RALGAPA2: variants seen among roughly 807,000 people sequenced by gnomAD.
The protein encoded by RALGAPA2 is Ral GTPase activating protein catalytic subunit alpha 2.
A neutral mutation model predicts 230.4 loss-of-function variants in RALGAPA2; 139 were observed. The observed-to-expected ratio is 0.60, with a 90% CI of 0.53 to 0.69. The LOEUF (loss-of-function observed/expected upper bound fraction) is 0.69. RALGAPA2 is among the 30% of genes least tolerant of loss of function. The probability of loss-of-function intolerance (pLI) is 0.00; values close to 1 mark genes in which losing one functional copy is unlikely to be tolerated. For synonymous variants in RALGAPA2, 847 were observed against 837.8 expected (o/e 1.01, Z -0.19); for missense variants, 2,163 against 2,276.0 (o/e 0.95, Z 1.01).
At chr20:20,659,625 T>A in intron 3 of RALGAPA2, 2 of 275,930 alleles carry the variant, frequency 7.2e-6, no homozygotes, top group Non-Finnish European at 1.4e-5. Context: ...TAAAAAAGAG[T>A]ATATTCCTAA....
intron 3 of RALGAPA2, among the ~76,000 whole-genome samples, chr20:20,664,439 T>C (rs1466617823): frequency 6.6e-6 from 1 of 152,104 alleles, no homozygotes; most frequent in South Asian, 2.1e-4. Context: ...CCTTCACAAA[T>C]CCCCAAATTA....
rs762975542 is a variant in RALGAPA2 at position 20,601,737 on chromosome 20, C to T, written c.2148G>A (p.Thr716=). The T allele has an allele frequency of 8.7e-6, 14 of 1,613,752 alleles. No individual in the cohort carries two copies. The highest frequency in any genetic ancestry group is 7.7e-5 in the South Asian group (7 of 91,060). The change falls in exon 16 of 40, where the codon ACG becomes ACA. Residue 716 remains threonine (T), a synonymous_variant. Transcript: ENST00000202677. ...TEPMRFRSAT[T]SGAPGVEKAR... ...CCTTTTCCACTCCCGGTGCTCCAGA[C>T]GTGGTGGCACTCCTAAATCGCATCG...
intron 36 of RALGAPA2, among the ~76,000 whole-genome samples, chr20:20,474,670 C>T (rs2061612071): frequency 6.6e-6 from 1 of 152,206 alleles, no homozygotes; most frequent in African/African-American, 2.4e-5. Flanking sequence ...GATGATGCCA[C>T]AGTTTCTGGC....
In RALGAPA2 at chr20:20,512,599, C is replaced by T; in HGVS notation, c.4770G>A (p.Gly1590=). 1 of 1,613,886 alleles carries T rather than the reference C, an allele frequency of 6.2e-7. No individual in the cohort carries two copies. Among genetic ancestry groups the T allele is most frequent in the South Asian group, 1.1e-5 (1 of 91,078 alleles). ...CTCGGGGCTCCACTGGGGAGGGCTGCCCTTGGCTGGTGACTTTCATTGCAG... is the reference window on the plus strand; with the variant it reads ...CTCGGGGCTCCACTGGGGAGGGCTGTCCTTGGCTGGTGACTTTCATTGCAG... ...FDSAMKVTSQ[G]QPSPVEPRGP... is the part of the protein sequence containing the mutation. The change falls in exon 32 of 40, where the codon GGG becomes GGA. Residue 1590 remains glycine, a synonymous_variant. Coordinates refer to ENST00000202677, the MANE Select transcript of RALGAPA2 (RefSeq NM_020343.4).
At chr20:20,414,193 T>C (rs2060120507) in intron 37 of RALGAPA2, among the ~76,000 whole-genome samples, 1 of 152,220 alleles carries the variant, frequency 6.6e-6, no homozygotes, top group Non-Finnish European at 1.5e-5. Flanking sequence ...ACCTGAGCCT[T>C]TGGACCGCCG....
chr20:20,508,061 G>A (rs1009670264), intron 33 of RALGAPA2, among the ~76,000 whole-genome samples: 3 of 152,006 alleles, frequency 2.0e-5, no homozygotes, highest in Non-Finnish European at 4.4e-5. Context: ...CTGTTCCTAA[G>A]TCCTTGAGCC....
chr20:20,675,931 C>A (rs1156860756), intron 3 of RALGAPA2, among the ~76,000 whole-genome samples: 1 of 151,696 alleles, frequency 6.6e-6, no homozygotes, highest in South Asian at 2.1e-4. Context: ...GAATATATGA[C>A]CTTTTGGAGA....
At chr20:20,518,109 G>A (rs1251617688) in intron 31 of RALGAPA2, among the ~76,000 whole-genome samples, 1 of 151,760 alleles carries the variant, frequency 6.6e-6, no homozygotes, top group East Asian at 1.9e-4. Flanking sequence ...AGGCTGGAGT[G>A]CAGTGGTGCG....
intron 38 of RALGAPA2, among the ~76,000 whole-genome samples, chr20:20,410,259 A>C (rs2060033035): frequency 6.6e-6 from 1 of 152,252 alleles, no homozygotes; most frequent in South Asian, 2.1e-4. Context: ...TTTGGAAAAG[A>C]TCAAATTAGT....
intron 36 of RALGAPA2, among the ~76,000 whole-genome samples, chr20:20,479,514 T>C (rs1302167122): frequency 6.6e-6 from 1 of 152,214 alleles, no homozygotes; most frequent in Non-Finnish European, 1.5e-5. Flanking sequence ...ATTAATAGAT[T>C]GAATGAGAAA....
chr20:20,528,685 GCCAA>G (rs2063290529), intron 27 of RALGAPA2, among the ~76,000 whole-genome samples: 1 of 152,154 alleles, frequency 6.6e-6, no homozygotes, highest in South Asian at 2.1e-4. Flanking sequence ...AAACAAACCA[GCCAA>G]CCAACACCTT....
At chr20:20,465,279 C>T (rs1225258077) in intron 37 of RALGAPA2, among the ~76,000 whole-genome samples, 1 of 151,804 alleles carries the variant, frequency 6.6e-6, no homozygotes, top group African/African-American at 2.4e-5. Flanking sequence ...AGTGCCACAT[C>T]TGAGACAGAG....
chr20:20,582,962 C>T, intron 20 of RALGAPA2, 88 bp downstream of exon 20: 2 of 1,403,114 alleles, frequency 1.4e-6, no homozygotes, highest in Non-Finnish European at 1.9e-6. Context: ...ACAACTGTTT[C>T]AGAACCCTCT....
At chr20:20,511,072 A>G (rs1306834114) in intron 33 of RALGAPA2, among the ~76,000 whole-genome samples, 182 bp downstream of exon 33, 2 of 152,204 alleles carry the variant, frequency 1.3e-5, no homozygotes, top group Non-Finnish European at 2.9e-5. Context: ...ATCAAACATG[A>G]AAGTTTATTC....
At chr20:20,558,563 C>T (rs978628019) in intron 23 of RALGAPA2, among the ~76,000 whole-genome samples, 3 of 152,048 alleles carry the variant, frequency 2.0e-5, no homozygotes, top group African/African-American at 7.2e-5. Context: ...GACAGGTCTT[C>T]CACCAAAGCC....
intron 31 of RALGAPA2, among the ~76,000 whole-genome samples, chr20:20,519,609 C>T (rs2062977562): frequency 6.6e-6 from 1 of 152,246 alleles, no homozygotes; most frequent in African/African-American, 2.4e-5. Context: ...CTGTTTCATT[C>T]TCACCTTCCC....
At chr20:20,666,110 AG>A (rs1385206851) in intron 3 of RALGAPA2, among the ~76,000 whole-genome samples, 2 of 152,258 alleles carry the variant, frequency 1.3e-5, no homozygotes, top group Non-Finnish European at 2.9e-5. Flanking sequence ...ATTTAAATAT[AG>A]CCCCATGTCA....
intron 24 of RALGAPA2, among the ~76,000 whole-genome samples, chr20:20,546,081 C>T (rs1458707669): frequency 2.0e-5 from 3 of 151,918 alleles, no homozygotes; most frequent in Non-Finnish European, 4.4e-5. Context: ...TCTTGAAAAA[C>T]AACAACAAAA....
intron 6 of RALGAPA2, 45 bp from the exon 7 acceptor site, chr20:20,639,945 T>C: frequency 7.0e-7 from 1 of 1,418,688 alleles, no homozygotes; most frequent in Non-Finnish European, 1.0e-6. Context: ...CAAAGTTAAA[T>C]TTTAAACAGA....
Sources: gnomAD v4.1 joint callset for allele counts (sites outside exome capture counted in the v4.1 genomes callset) on GRCh38, gnomAD v4.1.1 for gene constraint, MANE v1.5 for transcripts, NCBI Gene and HGNC (gene_info 2026-07-23, HGNC 2026-07-21) for gene names.